The following CEP250 variants were observed in gnomAD, a reference collection of about 807,000 sequenced individuals.
CEP250 encodes the protein centrosome-associated protein CEP250.
In CEP250, 242 loss-of-function variants were observed where a neutral mutation model predicts 315.7. That is an observed-to-expected ratio of 0.77 (90% confidence interval 0.69 to 0.85). The LOEUF is 0.85. CEP250 is among the 40% of genes least tolerant of loss of function. CEP250 has a pLI of 0.00. For missense variants in CEP250, 2,515 were observed against 2,886.4 expected (o/e 0.87, Z 2.95); for synonymous variants, 1,088 against 1,175.0 (o/e 0.93, Z 1.51).
rs569339729 is a variant in CEP250 at position 35,463,884 on chromosome 20, T to A, written c.243+253T>A. Among the ~76,000 whole-genome samples, 3 of 152,310 alleles carry A rather than the reference T, an allele frequency of 2.0e-5. No homozygotes were observed. In the South Asian group the frequency reaches 6.2e-4, roughly 32 times the overall value. ...GGAGTGTGGGATTAGCAGGAAGAAG[T>A]GCATGTTTCCTCCAGCAGGTGTCAG... is the stretch of plus-strand genomic sequence containing the variant. On this transcript the variant is annotated intron_variant, in intron 5 of 34. Coordinates refer to ENST00000397527, the MANE Select transcript of CEP250 (RefSeq NM_007186.6).
intron 28 of CEP250, among the ~76,000 whole-genome samples, chr20:35,501,505 A>G (rs973671550): frequency 3.3e-5 from 5 of 151,982 alleles, no homozygotes; most frequent in Non-Finnish European, 7.4e-5. Flanking sequence ...CAATTATAGG[A>G]CTGGGGGCTA....
chr20:35,494,466 C>A, intron 23 of CEP250, 58 bp from the exon 24 acceptor site: 1 of 1,604,374 alleles, frequency 6.2e-7, no homozygotes, highest in Non-Finnish European at 8.5e-7. Context: ...AGGTGAGGAG[C>A]ATCTTCCCAC....
rs1187789487 is a variant in CEP250 at position 35,518,993 on chromosome 20, A to T, written c.*7367A>T. 6.6e-6 allele frequency: 1 copy of T among 151,750 alleles called. No homozygotes were observed. Among genetic ancestry groups the T allele is most frequent in the Non-Finnish European group, 1.5e-5 (1 of 67,928 alleles). 9.4% of individuals were successfully genotyped at this position (151,750 alleles called of 1,614,324 possible). ...GGTTGCAGTGAGCTGAGATCGCGTC[A>T]CTGCACTCCAGCCTGGGTGGCAGAG... On this transcript the variant is annotated 3_prime_UTR_variant, in exon 35 of 35. Transcript: ENST00000397527.
chr20:35,486,576 G>T lies in CEP250; in HGVS notation c.2587-4061G>T, dbSNP rs971625303. ...AAGTCTTGCTTTGCTTTTGGCTTCT[G>T]TGGAATTTTTATTATTTTCCTGCTG... On this transcript the variant is annotated intron_variant, in intron 20 of 34. Transcript: ENST00000397527. 2.0e-5 allele frequency among the ~76,000 whole-genome samples: 3 copies of T among 152,084 alleles called. No individual in the cohort carries two copies. In the East Asian group the frequency reaches 5.8e-4, roughly 29 times the overall value.
chr20:35,467,493 G>C lies in CEP250; in HGVS notation c.789G>C (p.Arg263Ser), dbSNP rs774746167. Residue 263 changes from arginine to serine, a missense_variant, in exon 9 of 35, where the codon AGG (arginine) becomes AGC (serine). Arg to Ser is a moderately radical substitution (Grantham distance 110, BLOSUM62 -1). Coordinates refer to ENST00000397527, the MANE Select transcript of CEP250 (RefSeq NM_007186.6). Reference sequence around the variant, plus strand: ...AGCTGGAGAAGGAAGCCCATGAAAGGAGCCAGGAGTTAATACAGCTGAAGA... The same window carrying C: ...AGCTGGAGAAGGAAGCCCATGAAAGCAGCCAGGAGTTAATACAGCTGAAGA... Reference protein sequence around the residue: ...TQELEKEAHERSQELIQLKSQ... With the variant: ...TQELEKEAHESSQELIQLKSQ... 2 of 1,614,182 alleles carry C rather than the reference G, an allele frequency of 1.2e-6. No homozygotes were observed. Among genetic ancestry groups the C allele is most frequent in the Non-Finnish European group, 1.7e-6 (2 of 1,180,034 alleles).
In CEP250 at chr20:35,502,919, G is replaced by A. The variant is rs114197898; in HGVS notation, c.4550G>A (p.Arg1517Gln). The A allele has an allele frequency of 9.3e-6, 15 of 1,614,194 alleles. 1 individual carries two copies. The highest frequency in any genetic ancestry group is 1.6e-4 in the Middle Eastern group (1 of 6,062). The part of the protein sequence containing the change: ...REQIRELEKD[R>Q]ETQRNVLEHQ... ...CAGATCAGAGAGCTCGAGAAGGATC[G>A]GGAGACTCAGAGGAACGTCTTGGAG... Residue 1517 changes from arginine to glutamine, a missense_variant, in exon 30 of 35, where the codon CGG becomes CAG. Physicochemically the swap from Arg to Gln is conservative, Grantham distance 43. Transcript: ENST00000397527.
rs368667877 is a variant in CEP250, at chr20:35,509,002, C to G, written c.6966C>G (p.Ser2322=). The part of the protein sequence containing the change: ...REAMRAAQAG[S]LEISKATASS... ...CCATGCGTGCGGCCCAGGCAGGGTC[C>G]CTAGAGATCAGCAAGGCCACGGCTT... The change falls in exon 33 of 35, where the codon TCC becomes TCG. Residue 2322 remains serine (S), a synonymous_variant. Transcript: ENST00000397527. 1.9e-5 allele frequency: 29 copies of G among 1,559,222 alleles called. No individual in the cohort carries two copies. Among genetic ancestry groups the G allele is most frequent in the East Asian group, 2.4e-5 (1 of 41,952 alleles).
intron 15 of CEP250, 148 bp downstream of exon 15, chr20:35,475,794 C>T (rs1361430040): frequency 3.7e-6 from 3 of 818,990 alleles, no homozygotes; most frequent in Non-Finnish European, 5.7e-6. Context: ...CCAACATACC[C>T]TCTATATTGG....
chr20:35,472,415 C>T (rs1413941004), intron 11 of CEP250, among the ~76,000 whole-genome samples: 2 of 152,172 alleles, frequency 1.3e-5, no homozygotes, highest in Non-Finnish European at 2.9e-5. Context: ...TTCAATATCT[C>T]AATCGTTTCT....
At chr20:35,469,774 G>C (rs1315559573) in intron 9 of CEP250, 116 bp from the exon 10 acceptor site, 1 of 574,782 alleles carries the variant, frequency 1.7e-6, no homozygotes, top group African/African-American at 1.9e-5. Flanking sequence ...AAGGGATTTG[G>C]GGGAGGCTGC....
chr20:35,478,496 C>T (rs528714230), intron 17 of CEP250, among the ~76,000 whole-genome samples: 6 of 152,078 alleles, frequency 3.9e-5, no homozygotes, highest in Non-Finnish European at 7.3e-5. Context: ...ATCTGGGAGG[C>T]GGAGGTTGCA....
intron 10 of CEP250, among the ~76,000 whole-genome samples, 194 bp from the exon 11 acceptor site, chr20:35,471,856 A>G (rs776340068): frequency 6.6e-6 from 1 of 152,242 alleles, no homozygotes; most frequent in Non-Finnish European, 1.5e-5. Context: ...ACTCGTAATC[A>G]CTTAATCTAA....
chr20:35,466,828 G>A (rs1044802931), intron 7 of CEP250, 138 bp from the exon 8 acceptor site: 1 of 628,796 alleles, frequency 1.6e-6, no homozygotes, highest in Non-Finnish European at 2.9e-6. Flanking sequence ...ACCATAACCT[G>A]GATAGATACC....
Position 35,502,566 on chromosome 20 carries a change from TGA to T in CEP250, c.4203_4204del (p.Arg1401SerfsTer31). The T allele has an allele frequency of 6.2e-7, 1 of 1,614,150 alleles. No homozygotes were observed. Among genetic ancestry groups the T allele is most frequent in the Non-Finnish European group, 8.5e-7 (1 of 1,180,030 alleles). The part of the protein sequence containing the change: ...LKNEEVESER[E>X]RAQALQEQGE... ...AAAATGAGGAAGTAGAGAGTGAGCG[TGA>T]GAGAGCCCAGGCTCTGCAAGAGCAG... On this transcript the variant is annotated frameshift_variant, in exon 30 of 35. Transcript: ENST00000397527. LOFTEE classifies it high-confidence loss of function.
In CEP250 at chr20:35,513,432, A is replaced by G. The variant is rs1382336109; in HGVS notation, c.*1806A>G. ...TGCCACCATGCCCGGCTAATTTTGT[A>G]TTTTTAGTAGAGACAGGGTTTCTCC... is the stretch of plus-strand genomic sequence containing the variant. On this transcript the variant is annotated 3_prime_UTR_variant, in exon 35 of 35. Coordinates refer to ENST00000397527, the MANE Select transcript of CEP250 (RefSeq NM_007186.6). 2.0e-5 allele frequency: 3 copies of G among 151,756 alleles called. No individual in the cohort carries two copies. The highest frequency in any genetic ancestry group is 4.4e-5 in the Non-Finnish European group (3 of 67,966). The allele number at this position is 151,756 out of a possible 1,614,324, so 9.4% of individuals were successfully genotyped here. A position where few individuals can be genotyped will look rare whatever the true frequency, so the allele number is the denominator to read the frequency against.
In CEP250 at chr20:35,512,093, C is replaced by A; in HGVS notation, c.*467C>A. The A allele has an allele frequency of 1.0e-6, 1 of 960,404 alleles. No homozygotes were observed. The highest frequency in any genetic ancestry group is 1.2e-6 in the Non-Finnish European group (1 of 802,408). The allele number at this position is 960,404 out of a possible 1,614,324, so 59.5% of individuals were successfully genotyped here. A position where few individuals can be genotyped will look rare whatever the true frequency, so the allele number is the denominator to read the frequency against. On this transcript the variant is annotated 3_prime_UTR_variant, in exon 35 of 35. Transcript: ENST00000397527. Reference sequence around the variant, plus strand: ...TAGCATGCATTTATTGTACACCATGCACTGTGATAGGGAAGGGTTACAGAG... The same window carrying A: ...TAGCATGCATTTATTGTACACCATGAACTGTGATAGGGAAGGGTTACAGAG...
chr20:35,500,445 C>A (rs2063971085), intron 28 of CEP250, among the ~76,000 whole-genome samples: 1 of 152,126 alleles, frequency 6.6e-6, no homozygotes, highest in African/African-American at 2.4e-5. Flanking sequence ...GTTCACCAAC[C>A]AGCGGAGCCA....
intron 9 of CEP250, among the ~76,000 whole-genome samples, chr20:35,468,149 A>G (rs905184667): frequency 2.6e-5 from 4 of 152,020 alleles, no homozygotes; most frequent in Admixed American, 6.5e-5. Context: ...GGGTTTCACC[A>G]TGTTGGTCAG....
chr20:35,490,552 A>T, intron 20 of CEP250, 85 bp from the exon 21 acceptor site: 1 of 1,298,974 alleles, frequency 7.7e-7, no homozygotes, highest in Non-Finnish European at 1.1e-6. Context: ...AGTGAGTAGT[A>T]GAGAGACTTT....
Sources: allele counts gnomAD v4.1 joint callset (sites outside exome capture counted in the v4.1 genomes callset), GRCh38; gene constraint gnomAD v4.1.1; transcripts MANE v1.5; gene names NCBI Gene and HGNC (gene_info 2026-07-23, HGNC 2026-07-21).